Variants in ARHGAP31 observed in about 807,000 individuals in gnomAD.
The protein encoded by ARHGAP31 is rho GTPase-activating protein 31.
Under a neutral mutation model 113.9 loss-of-function variants are expected in ARHGAP31, and 34 were observed. The observed-to-expected ratio is 0.30, with a 90% CI of 0.23 to 0.40. The LOEUF is 0.40. Ranked by LOEUF, ARHGAP31 falls within the 10% of genes least tolerant of loss-of-function variation. The probability of loss-of-function intolerance (pLI) is 1.00; values close to 1 mark genes in which losing one functional copy is unlikely to be tolerated. For synonymous variants in ARHGAP31, 650 were observed against 684.8 expected (o/e 0.95, Z 0.79); for missense variants, 1,548 against 1,767.1 (o/e 0.88, Z 2.22).
At chr3:119,342,948 T>C (rs1577003715) in intron 1 of ARHGAP31, among the ~76,000 whole-genome samples, 1 of 147,552 alleles carries the variant, frequency 6.8e-6, no homozygotes. Context: ...AAACTCTGTC[T>C]CAAAAAAAAA....
intron 1 of ARHGAP31, among the ~76,000 whole-genome samples, chr3:119,348,300 G>A (rs2080079745): frequency 6.6e-6 from 1 of 152,164 alleles, no homozygotes; most frequent in South Asian, 2.1e-4. Flanking sequence ...CACAATAAAG[G>A]TAATGTGCTT....
chr3:119,409,799 T>G, intron 11 of ARHGAP31, 23 bp downstream of exon 11: 1 of 1,575,266 alleles, frequency 6.3e-7, no homozygotes, highest in Middle Eastern at 2.3e-4. Flanking sequence ...CTCCACCTGC[T>G]CCAGCCAGGT....
chr3:119,365,283 T>C (rs1559980896), intron 1 of ARHGAP31, 33 bp from the exon 2 acceptor site: 1 of 1,561,936 alleles, frequency 6.4e-7, no homozygotes, highest in African/African-American at 1.4e-5. Flanking sequence ...TTACATCTAA[T>C]ACTTAATTGT....
chr3:119,379,260 G>T (rs2080375194), intron 3 of ARHGAP31, among the ~76,000 whole-genome samples: 1 of 152,158 alleles, frequency 6.6e-6, no homozygotes, highest in Admixed American at 6.5e-5. Context: ...ATAAATAAGT[G>T]CATTCTTGTA....
intron 1 of ARHGAP31, among the ~76,000 whole-genome samples, chr3:119,346,877 G>T (rs2080062340): frequency 6.6e-6 from 1 of 152,136 alleles, no homozygotes; most frequent in African/African-American, 2.4e-5. Context: ...AAACTTCGTG[G>T]GTTCTTAATT....
intron 1 of ARHGAP31, among the ~76,000 whole-genome samples, chr3:119,310,575 G>T (rs114491485): frequency 6.6e-6 from 1 of 152,190 alleles, no homozygotes; most frequent in Non-Finnish European, 1.5e-5. Context: ...CAATCCTATT[G>T]TGAACTGCGC....
chr3:119,405,515 G>A (rs2080652771), intron 10 of ARHGAP31, among the ~76,000 whole-genome samples: 1 of 152,160 alleles, frequency 6.6e-6, no homozygotes, highest in Non-Finnish European at 1.5e-5. Context: ...TCACCTAGAA[G>A]CTGCACACAT....
At chr3:119,321,658 T>C (rs1320774999) in intron 1 of ARHGAP31, among the ~76,000 whole-genome samples, 1 of 152,066 alleles carries the variant, frequency 6.6e-6, no homozygotes, top group East Asian at 1.9e-4. Context: ...GTAGGTTTTG[T>C]TTTGTTTTGA....
At chr3:119,392,877 C>T (rs1559990915) in intron 7 of ARHGAP31, among the ~76,000 whole-genome samples, 1 of 152,178 alleles carries the variant, frequency 6.6e-6, no homozygotes, top group African/African-American at 2.4e-5. Flanking sequence ...TGTGGATGTC[C>T]CAGCAGTGTG....
intron 1 of ARHGAP31, among the ~76,000 whole-genome samples, chr3:119,343,503 C>T (rs1392905772): frequency 4.6e-5 from 7 of 152,292 alleles, no homozygotes; most frequent in Non-Finnish European, 8.8e-5. Flanking sequence ...TCTAACAATT[C>T]ATACTTCCTA....
intron 9 of ARHGAP31, among the ~76,000 whole-genome samples, chr3:119,400,619 A>C (rs2080594710): frequency 6.6e-6 from 1 of 152,176 alleles, no homozygotes; most frequent in Non-Finnish European, 1.5e-5. Context: ...ATATTTCAAC[A>C]TATAGGTTTT....
At chr3:119,334,376 T>C (rs1269314133) in intron 1 of ARHGAP31, among the ~76,000 whole-genome samples, 2 of 152,166 alleles carry the variant, frequency 1.3e-5, no homozygotes. Flanking sequence ...CTTCAGACCC[T>C]CACTGAGAAC....
chr3:119,376,519 T>C (rs560256389), intron 3 of ARHGAP31, among the ~76,000 whole-genome samples: 3 of 152,232 alleles, frequency 2.0e-5, no homozygotes, highest in East Asian at 3.9e-4. Context: ...GCAAGTTCAG[T>C]GTGTCCCCGC....
intron 1 of ARHGAP31, among the ~76,000 whole-genome samples, chr3:119,343,234 T>A (rs76405108): frequency 0.019 from 2,818 of 152,212 alleles, 82 homozygotes; most frequent in African/African-American, 0.063. Context: ...AAAAGAGCAG[T>A]ATAGAAAGCT....
intron 3 of ARHGAP31, among the ~76,000 whole-genome samples, chr3:119,376,887 A>T (rs887655346): frequency 6.6e-6 from 1 of 151,778 alleles, no homozygotes; most frequent in Non-Finnish European, 1.5e-5. Context: ...GTTTCCAGGG[A>T]CTCTCCCTGT....
rs995237365 is a variant in ARHGAP31, at chr3:119,418,382, C to T, written c.*2118C>T. The T allele has an allele frequency of 6.6e-6, 1 of 152,136 alleles. No individual in the cohort carries two copies. The highest frequency in any genetic ancestry group is 1.5e-5 in the Non-Finnish European group (1 of 68,028). The allele number at this position is 152,136 out of a possible 1,614,324, so 9.4% of individuals were successfully genotyped here. On this transcript the variant is annotated 3_prime_UTR_variant, in exon 12 of 12. Coordinates refer to ENST00000264245, the MANE Select transcript of ARHGAP31 (RefSeq NM_020754.4). ...TTCAAGAGATCTGAAAAGTACATTC[C>T]TGCCTTATCAGAAAATGTGTCAGAC...
intron 1 of ARHGAP31, among the ~76,000 whole-genome samples, chr3:119,315,841 T>A (rs569159660): frequency 6.6e-6 from 1 of 152,146 alleles, no homozygotes; most frequent in Non-Finnish European, 1.5e-5. Flanking sequence ...TCCAAGTTAA[T>A]AGAAGGACAG....
chr3:119,401,732 A>T, intron 9 of ARHGAP31, 90 bp from the exon 10 acceptor site: 1 of 1,213,876 alleles, frequency 8.2e-7, no homozygotes, highest in Non-Finnish European at 1.2e-6. Flanking sequence ...CCTCTCTAGT[A>T]TTCAAATGTC....
Position 119,414,607 on chromosome 3 carries a change from C to T in ARHGAP31, c.2678C>T (p.Thr893Ile), listed in dbSNP as rs969153320. 1.9e-6 allele frequency: 3 copies of T among 1,614,122 alleles called. No homozygotes were observed. The highest frequency in any genetic ancestry group is 2.5e-6 in the Non-Finnish European group (3 of 1,180,048). The change falls in exon 12 of 12, where the codon ACT (threonine) becomes ATT (isoleucine). Residue 893 changes from threonine (T) to isoleucine (I), a missense_variant. Coordinates refer to ENST00000264245, the MANE Select transcript of ARHGAP31 (RefSeq NM_020754.4). Reference sequence around the variant, plus strand: ...CCTTCAGACTGTGACGAAGATGACACTGTGACAGACATTGCCCAGCATGGC... The same window carrying T: ...CCTTCAGACTGTGACGAAGATGACATTGTGACAGACATTGCCCAGCATGGC... ...QEPSDCDEDD[T>I]VTDIAQHGLE...
Sources: allele counts gnomAD v4.1 joint callset (sites outside exome capture counted in the v4.1 genomes callset), GRCh38; gene constraint gnomAD v4.1.1; transcripts MANE v1.5; gene names NCBI Gene and HGNC (gene_info 2026-07-23, HGNC 2026-07-21).